The following CHD5 variants were observed in gnomAD, a reference collection of about 807,000 sequenced individuals.
CHD5 encodes the protein chromodomain helicase DNA binding protein 5, also known as ATP-dependent chromatin remodeler CHD5.
Under a neutral mutation model 230.3 loss-of-function variants are expected in CHD5, and 69 were observed. That is an observed-to-expected ratio of 0.30 (90% CI 0.25 to 0.37). CHD5 has a LOEUF of 0.37. Among genes scored for constraint, CHD5 ranks in the 10% least tolerant of loss-of-function variants. The pLI, the probability that CHD5 is intolerant of heterozygous loss-of-function variation, is 1.00. For missense variants in CHD5, 1,827 were observed against 2,622.8 expected (o/e 0.70, Z 6.63); for synonymous variants, 1,064 against 1,065.9 (o/e 1.00, Z 0.03).
chr1:6,143,373 C>G (rs541415250), intron 13 of CHD5, among the ~76,000 whole-genome samples: 2 of 152,350 alleles, frequency 1.3e-5, no homozygotes, highest in African/African-American at 4.8e-5. Flanking sequence ...TGGCCCCATG[C>G]AGTCCTCCCA....
rs761495028 is a variant in CHD5, at chr1:6,109,834, G to C, written c.5539C>G (p.Leu1847Val). ...GCATTGGCAGGCTTGTTCCCAGCAA[G>C]GGACTCCTTGGACAGGTGCTGGTGG... is the stretch of plus-strand genomic sequence containing the variant. ...ESHQHLSKES[L>V]AGNKPANAVL... is the part of the protein sequence containing the mutation. Residue 1847 changes from leucine to valine, a missense_variant, in exon 38 of 42, where the codon CTT becomes GTT. This residue lies in a region of CHD5 where 208 missense variants were observed against 302.0 expected (regional missense o/e 0.69). Coordinates refer to ENST00000262450, the MANE Select transcript of CHD5 (RefSeq NM_015557.3). 6.2e-7 allele frequency: 1 copy of C among 1,612,892 alleles called. No homozygotes were observed. Among genetic ancestry groups the C allele is most frequent in the South Asian group, 1.1e-5 (1 of 91,078 alleles).
rs1382855271 is a variant in CHD5, at chr1:6,103,747, A to G, written c.*1727T>C. 1 of 152,222 alleles carries G rather than the reference A, an allele frequency of 6.6e-6. No individual in the cohort carries two copies. Among genetic ancestry groups the G allele is most frequent in the African/African-American group, 2.4e-5 (1 of 41,436 alleles). 9.4% of individuals were successfully genotyped at this position (152,222 alleles called of 1,614,324 possible). A position where few individuals can be genotyped will look rare whatever the true frequency, so the allele number is the denominator to read the frequency against. ...GGTCGGGCTGGCCTTGCAGACCTGG[A>G]TCCAGACTGGAGTGTGGGAATGCGC... On this transcript the variant is annotated 3_prime_UTR_variant, in exon 42 of 42. Transcript: ENST00000262450.
Position 6,175,427 on chromosome 1 carries a change from G to A in CHD5, c.79+4518C>T, listed in dbSNP as rs960923497. On this transcript the variant is annotated intron_variant, in intron 1 of 41. Coordinates refer to ENST00000262450, the MANE Select transcript of CHD5 (RefSeq NM_015557.3). Reference sequence around the variant, plus strand: ...GTGGATAGATGAATGGATGGATGACGGGTGGATAGATGGATGAATGGTGGG... The same window carrying A: ...GTGGATAGATGAATGGATGGATGACAGGTGGATAGATGGATGAATGGTGGG... Among the ~76,000 whole-genome samples the A allele has an allele frequency of 1.1e-4, 17 of 149,508 alleles. 1 individual carries two copies. Among genetic ancestry groups the A allele is most frequent in the South Asian group, 8.7e-4 (4 of 4,618 alleles).
In CHD5 at chr1:6,177,072, A is replaced by G. The variant is rs369389906; in HGVS notation, c.79+2873T>C. On this transcript the variant is annotated intron_variant, in intron 1 of 41. Transcript: ENST00000262450. ...TCACTGCTGAGAGTGAGCAACTCCCAGGGGGAGGTGGGAGATGAGCAGAGT... is the reference window on the plus strand; with the variant it reads ...TCACTGCTGAGAGTGAGCAACTCCCGGGGGGAGGTGGGAGATGAGCAGAGT... 2.6e-4 allele frequency among the ~76,000 whole-genome samples: 39 copies of G among 152,354 alleles called. No homozygotes were observed. The East Asian group carries it at 3.9e-3, about 15-fold the overall frequency.
At position 6,109,296 on chromosome 1, in the gene CHD5, C is replaced by T. The variant is rs1458497880; in HGVS notation, c.5578+499G>A. On this transcript the variant is annotated intron_variant, in intron 38 of 41. Transcript: ENST00000262450. ...GGTCCAGCAACTCTCACCACAGGGCCACCCCTCCCCCAACCAGCCGGGAGC... is the reference window on the plus strand; with the variant it reads ...GGTCCAGCAACTCTCACCACAGGGCTACCCCTCCCCCAACCAGCCGGGAGC... 3.3e-5 allele frequency among the ~76,000 whole-genome samples: 5 copies of T among 152,094 alleles called. No individual in the cohort carries two copies. The South Asian group carries it at 1.0e-3, about 31-fold the overall frequency.
At position 6,121,013 on chromosome 1, in the gene CHD5, G is replaced by T; in HGVS notation, c.4912+92C>A. On this transcript the variant is annotated intron_variant, in intron 33 of 41. Coordinates refer to ENST00000262450, the MANE Select transcript of CHD5 (RefSeq NM_015557.3). The surrounding 1 kb of genome is among the most constrained non-coding windows in gnomAD (Gnocchi z 4.5). ...GTCTACCTCTCTGCCAGGGAGAAAT[G>T]AGCGGAAGTACAGCCACCTGCCCTT... is the stretch of plus-strand genomic sequence containing the variant. 2 of 1,375,672 alleles carry T rather than the reference G, an allele frequency of 1.5e-6. No individual in the cohort carries two copies. The highest frequency in any genetic ancestry group is 1.5e-5 in the South Asian group (1 of 64,820). 85.2% of individuals were successfully genotyped at this position (1,375,672 alleles called of 1,614,324 possible). A position where few individuals can be genotyped will look rare whatever the true frequency, so the allele number is the denominator to read the frequency against.
chr1:6,151,118 C>G lies in CHD5; in HGVS notation c.908G>C (p.Ser303Thr). ...CACGGAGGCACTGTGGATGCTGGCG[C>G]TGTCGAAGTCCGACTCCTCCCTCTC... Reference protein sequence around the residue: ...EDEREESDFDSASIHSASVRS... With the variant: ...EDEREESDFDTASIHSASVRS... Residue 303 changes from serine to threonine, a missense_variant, in exon 7 of 42, where the codon AGC becomes ACC. By Grantham distance (58) the Ser-to-Thr change is moderately conservative. Coordinates refer to ENST00000262450, the MANE Select transcript of CHD5 (RefSeq NM_015557.3). 6.2e-7 allele frequency: 1 copy of G among 1,610,158 alleles called. No individual in the cohort carries two copies. Among genetic ancestry groups the G allele is most frequent in the Non-Finnish European group, 8.5e-7 (1 of 1,178,002 alleles).
intron 33 of CHD5, chr1:6,113,407 G>A (rs746948960): frequency 1.4e-5 from 5 of 364,814 alleles, no homozygotes; most frequent in South Asian, 1.0e-4. Flanking sequence ...CTGAGTGACA[G>A]AGCAAGACGC....
rs1383029550 is a variant in CHD5 at position 6,129,052 on chromosome 1, G to A, written c.3405C>T (p.His1135=). The A allele has an allele frequency of 6.2e-7, 1 of 1,603,890 alleles. No individual in the cohort carries two copies. The change falls in exon 23 of 42, where the codon CAC becomes CAT. Residue 1135 remains histidine (H), a synonymous_variant. Transcript: ENST00000262450. The surrounding 1 kb of genome is among the most constrained non-coding windows in gnomAD (Gnocchi z 6.8). ...TCACCTTCTTGTTCTGGCCGATGCG[G>A]TGGGCGCGGCTGAAGGCCTGGGGAG... ...HNDIQAFSRA[H]RIGQNKKVMI...
chr1:6,105,635 A>AG lies in CHD5; in HGVS notation c.*47-209dup, dbSNP rs1666150213. Among the ~76,000 whole-genome samples the AG allele has an allele frequency of 3.3e-5, 5 of 152,230 alleles. No individual in the cohort carries two copies. The highest frequency in any genetic ancestry group is 2.6e-4 in the Admixed American group (4 of 15,292). On this transcript the variant is annotated intron_variant, in intron 41 of 41. Transcript: ENST00000262450. The surrounding 1 kb of genome is among the most constrained non-coding windows in gnomAD (Gnocchi z 4.8). ...GAGCACCCAGGAAGCAGCAGTGGGC[A>AG]GGGGCAGCCAGCCAGGAAGCCCCTC...
At chr1:6,124,483 C>G (rs1444295619) in intron 30 of CHD5, 34 bp downstream of exon 30, 1 of 1,613,172 alleles carries the variant, frequency 6.2e-7, no homozygotes, top group African/African-American at 1.3e-5. Context: ...CAGGCAGCCA[C>G]CAGGAAGGGC....
intron 36 of CHD5, among the ~76,000 whole-genome samples, chr1:6,111,165 G>C (rs955001814): frequency 5.7e-4 from 85 of 149,190 alleles, no homozygotes; most frequent in African/African-American, 2.0e-3. Flanking sequence ...AGGAGGCAGA[G>C]GTTGCAGTGA....
chr1:6,173,439 C>T (rs921361102), intron 1 of CHD5, among the ~76,000 whole-genome samples: 7 of 151,912 alleles, frequency 4.6e-5, no homozygotes, highest in Non-Finnish European at 8.8e-5. Flanking sequence ...CTGGACTCCC[C>T]AACCAGCAAC....
intron 31 of CHD5, among the ~76,000 whole-genome samples, chr1:6,122,740 C>T (rs913500841): frequency 1.1e-4 from 16 of 152,196 alleles, no homozygotes; most frequent in Non-Finnish European, 1.5e-4. Context: ...CTATCGACAG[C>T]GCAATGGATA....
rs12071524 is a variant in CHD5, at chr1:6,155,939, G to A, written c.388-222C>T. The stretch of plus-strand genomic sequence containing the variant: ...TGCCACGTCTCAGATGCCAGCCCAC[G>A]AAGTGCAGGCCAAGTGTTCGACGTC... On this transcript the variant is annotated intron_variant, in intron 3 of 41. Transcript: ENST00000262450. This position sits in a 1 kb window ranked among gnomAD's most constrained non-coding sequence, Gnocchi z 4.0. 0.042 allele frequency among the ~76,000 whole-genome samples: 6,383 copies of A among 152,266 alleles called. 427 individuals are homozygous for A. Among genetic ancestry groups the A allele is most frequent in the African/African-American group, 0.14 (5,991 of 41,504 alleles).
At chr1:6,166,059 A>T (rs1181116197) in intron 2 of CHD5, among the ~76,000 whole-genome samples, 2 of 151,826 alleles carry the variant, frequency 1.3e-5, no homozygotes, top group East Asian at 3.9e-4. Context: ...CCCAGTGGTA[A>T]GGGGGGGTTC....
intron 15 of CHD5, among the ~76,000 whole-genome samples, chr1:6,138,761 G>A (rs1026921215): frequency 6.6e-6 from 1 of 152,230 alleles, no homozygotes; most frequent in Non-Finnish European, 1.5e-5. Flanking sequence ...ACTTCTGGGT[G>A]TATACCCAAA....
At position 6,155,494 on chromosome 1, in the gene CHD5, C is replaced by A; in HGVS notation, c.506+105G>T. ...GGTTGCTCAGTCGGTCTGACAGAGC[C>A]CACCCCTACCCCAGGTGCCGGGGCT... On this transcript the variant is annotated intron_variant, in intron 4 of 41. Transcript: ENST00000262450. The surrounding 1 kb of genome is among the most constrained non-coding windows in gnomAD (Gnocchi z 4.0). 1.0e-6 allele frequency: 1 copy of A among 978,256 alleles called. No individual in the cohort carries two copies. Among genetic ancestry groups the A allele is most frequent in the Non-Finnish European group, 1.6e-6 (1 of 626,812 alleles). 60.6% of individuals were successfully genotyped at this position (978,256 alleles called of 1,614,324 possible). A position where few individuals can be genotyped will look rare whatever the true frequency, so the allele number is the denominator to read the frequency against.
Position 6,151,046 on chromosome 1 carries a change from C to A in CHD5, c.980G>T (p.Arg327Leu), listed in dbSNP as rs763049065. The A allele has an allele frequency of 6.4e-7, 1 of 1,572,726 alleles. No homozygotes were observed. Residue 327 changes from arginine (R) to leucine (L), a missense_variant, in exon 7 of 42, where the codon CGC becomes CTC. Physicochemically the swap from Arg to Leu is moderately radical, Grantham distance 102. Coordinates refer to ENST00000262450, the MANE Select transcript of CHD5 (RefSeq NM_015557.3). ...GGGAGTCATACTCCTCTTCTTCTTGCGCCTCCTCTTGCTCTTCTTGCCCAG... is the reference window on the plus strand; with the variant it reads ...GGGAGTCATACTCCTCTTCTTCTTGAGCCTCCTCTTGCTCTTCTTGCCCAG... ...AALGKKSKRRRKKKRIDDGDG... is the reference protein window; with the variant it reads ...AALGKKSKRRLKKKRIDDGDG...
Sources: gnomAD v4.1 joint callset for allele counts (sites outside exome capture counted in the v4.1 genomes callset) on GRCh38, gnomAD v4.1.1 for gene constraint, gnomAD v4.1.1 regional missense constraint, Gnocchi (gnomAD v3.1) non-coding constraint, MANE v1.5 for transcripts, NCBI Gene and HGNC (gene_info 2026-07-23, HGNC 2026-07-21) for gene names.